The following SLC9A9 variants were observed in gnomAD, a reference collection of about 807,000 sequenced individuals.
SLC9A9 encodes sodium/hydrogen exchanger 9.
A neutral mutation model predicts 77.8 loss-of-function variants in SLC9A9; 62 were observed. The observed-to-expected ratio is 0.80, with a 90% CI of 0.65 to 0.98. The LOEUF (loss-of-function observed/expected upper bound fraction) is 0.98. Among genes scored for constraint, SLC9A9 ranks in the 50% least tolerant of loss-of-function variants. SLC9A9 has a pLI of 0.00. For synonymous variants in SLC9A9, 320 were observed against 283.5 expected, an observed-to-expected ratio of 1.13 and a Z score of -1.29; for missense variants, 775 against 774.9, an observed-to-expected ratio of 1.00 and a Z score of 0.00.
chr3:143,763,470 T>G (rs190189593), intron 4 of SLC9A9, among the ~76,000 whole-genome samples: 183 of 152,316 alleles, frequency 1.2e-3, no homozygotes, highest in Non-Finnish European at 2.1e-3. Flanking sequence ...TTTGTCACTG[T>G]GATTTTAAAG....
chr3:143,679,025 A>G (rs1047213523), intron 5 of SLC9A9, among the ~76,000 whole-genome samples: 7 of 151,674 alleles, frequency 4.6e-5, no homozygotes, highest in Non-Finnish European at 8.8e-5. Flanking sequence ...TGTGTGTGGG[A>G]AAGAGGTGAG....
At chr3:143,755,746 G>A (rs1220603851) in intron 4 of SLC9A9, among the ~76,000 whole-genome samples, 1 of 151,956 alleles carries the variant, frequency 6.6e-6, no homozygotes, top group Non-Finnish European at 1.5e-5. Flanking sequence ...AAGTCACTTA[G>A]AATACAATGC....
chr3:143,665,877 T>C lies in SLC9A9; in HGVS notation c.650-13517A>G, dbSNP rs371309384. ...CCAAAAAAGTCCGGGACCAGATGGA[T>C]TCACAGACGAATTCTACCAGAGGTA... On this transcript the variant is annotated intron_variant, in intron 5 of 15. Coordinates refer to ENST00000316549, the MANE Select transcript of SLC9A9 (RefSeq NM_173653.4). 7.6e-4 allele frequency among the ~76,000 whole-genome samples: 115 copies of C among 152,266 alleles called. 5 individuals carry two copies. In the South Asian group the frequency reaches 0.022, roughly 30 times the overall value.
At chr3:143,345,444 T>G (rs1168392023) in intron 14 of SLC9A9, among the ~76,000 whole-genome samples, 1 of 152,148 alleles carries the variant, frequency 6.6e-6, no homozygotes, top group Non-Finnish European at 1.5e-5. Flanking sequence ...AAAAGACACA[T>G]CAGAGGAGAA....
chr3:143,812,795 T>C (rs2008903293), intron 2 of SLC9A9, among the ~76,000 whole-genome samples: 1 of 152,206 alleles, frequency 6.6e-6, no homozygotes, highest in Non-Finnish European at 1.5e-5. Context: ...GAGCCATTAA[T>C]GGCTCCAGGA....
chr3:143,822,036 C>T (rs752369434), intron 2 of SLC9A9, among the ~76,000 whole-genome samples: 10 of 152,222 alleles, frequency 6.6e-5, no homozygotes, highest in Non-Finnish European at 1.2e-4. Context: ...CCTCACCCAA[C>T]GTCATGCACT....
Position 143,601,109 on chromosome 3 carries a change from G to A in SLC9A9, c.756-22386C>T, listed in dbSNP as rs997165310. On this transcript the variant is annotated intron_variant, in intron 6 of 15. Transcript: ENST00000316549. ...GGGGGGTTATTTTTCAAAATGTCTT[G>A]TCTTTGATGTAATTCTGATATTAAT... Among the ~76,000 whole-genome samples the A allele has an allele frequency of 9.9e-5, 15 of 152,206 alleles. No homozygotes were observed. In the East Asian group the frequency reaches 1.3e-3, roughly 14 times the overall value.
At chr3:143,305,677 T>C (rs2030749075) in intron 14 of SLC9A9, among the ~76,000 whole-genome samples, 1 of 152,206 alleles carries the variant, frequency 6.6e-6, no homozygotes, top group African/African-American at 2.4e-5. Flanking sequence ...AGGAAGTCTT[T>C]TGGCAGATTT....
chr3:143,298,199 GT>G (rs1316162877), intron 14 of SLC9A9, among the ~76,000 whole-genome samples: 1 of 152,246 alleles, frequency 6.6e-6, no homozygotes, highest in Non-Finnish European at 1.5e-5. Flanking sequence ...GTTAGCCACT[GT>G]GTATCCATTC....
Position 143,557,713 on chromosome 3 carries a change from C to T in SLC9A9, c.1001-5263G>A, listed in dbSNP as rs564880741. ...AGCAAAGAGACTGGTGGCATTTTTG[C>T]CCCTGCCCTAGAGATCTGTGGAAAT... is the stretch of plus-strand genomic sequence containing the variant. On this transcript the variant is annotated intron_variant, in intron 8 of 15. Coordinates refer to ENST00000316549, the MANE Select transcript of SLC9A9 (RefSeq NM_173653.4). 6.4e-4 allele frequency among the ~76,000 whole-genome samples: 97 copies of T among 152,268 alleles called. 2 individuals are homozygous for T. In the South Asian group the frequency reaches 0.019, roughly 29 times the overall value.
intron 11 of SLC9A9, among the ~76,000 whole-genome samples, chr3:143,491,917 T>C (rs757173701): frequency 5.9e-5 from 9 of 152,234 alleles, no homozygotes; most frequent in African/African-American, 9.7e-5. Context: ...TTCCCATTTA[T>C]GAGTGCTCAA....
intron 13 of SLC9A9, among the ~76,000 whole-genome samples, chr3:143,380,939 G>T (rs557415420): frequency 1.3e-5 from 2 of 152,198 alleles, no homozygotes; most frequent in African/African-American, 2.4e-5. Flanking sequence ...ATACAAATAC[G>T]CTCATAACAC....
At chr3:143,706,156 T>A (rs6440184) in intron 4 of SLC9A9, among the ~76,000 whole-genome samples, 100,081 of 151,642 alleles carry the variant, frequency 0.66, 33,334 homozygotes, top group African/African-American at 0.69. Flanking sequence ...TGTCCTACCG[T>A]AGGTGGTTTC....
At chr3:143,417,826 C>T (rs1419594242) in intron 12 of SLC9A9, among the ~76,000 whole-genome samples, 1 of 152,080 alleles carries the variant, frequency 6.6e-6, no homozygotes, top group African/African-American at 2.4e-5. Flanking sequence ...TTCAATAACT[C>T]CCCCCATATG....
At position 143,557,527 on chromosome 3, in the gene SLC9A9, A is replaced by G. The variant is rs368470325; in HGVS notation, c.1001-5077T>C. Among the ~76,000 whole-genome samples the G allele has an allele frequency of 6.6e-5, 10 of 152,358 alleles. No homozygotes were observed. The East Asian group carries it at 1.7e-3, about 26-fold the overall frequency. ...AACTTCCTAGAGACTTCAGGGACTCAGAAGACAGGAAGATATGGGAAAGTT... is the reference window on the plus strand; with the variant it reads ...AACTTCCTAGAGACTTCAGGGACTCGGAAGACAGGAAGATATGGGAAAGTT... On this transcript the variant is annotated intron_variant, in intron 8 of 15. Coordinates refer to ENST00000316549, the MANE Select transcript of SLC9A9 (RefSeq NM_173653.4).
At chr3:143,460,030 T>C (rs191780440) in intron 12 of SLC9A9, among the ~76,000 whole-genome samples, 2 of 152,264 alleles carry the variant, frequency 1.3e-5, no homozygotes, top group East Asian at 3.9e-4. Flanking sequence ...ATCTAAGGCA[T>C]ATGTCCACTC....
chr3:143,461,559 G>A (rs566251778), intron 12 of SLC9A9, among the ~76,000 whole-genome samples: 6 of 152,192 alleles, frequency 3.9e-5, no homozygotes, highest in African/African-American at 1.2e-4. Flanking sequence ...TTCGAAAGGG[G>A]TAGATATCAT....
At chr3:143,294,763 T>TA (rs1221080482) in intron 14 of SLC9A9, among the ~76,000 whole-genome samples, 4 of 152,230 alleles carry the variant, frequency 2.6e-5, no homozygotes, top group African/African-American at 9.6e-5. Context: ...ACTGAGTGGT[T>TA]AAATTACTTG....
chr3:143,811,720 C>A (rs968142758), intron 2 of SLC9A9: 21 of 454,774 alleles, frequency 4.6e-5, no homozygotes, highest in Admixed American at 4.7e-5. Context: ...AAATTAGCCA[C>A]GCACAGTGGC....
Sources: gnomAD v4.1 joint callset for allele counts (sites outside exome capture counted in the v4.1 genomes callset) on GRCh38, gnomAD v4.1.1 for gene constraint, MANE v1.5 for transcripts, NCBI Gene and HGNC (gene_info 2026-07-23, HGNC 2026-07-21) for gene names.